STK3: variants seen among roughly 807,000 people sequenced by gnomAD.
STK3 encodes serine/threonine-protein kinase 3.
STK3 carries 41 observed loss-of-function variants against 58.0 expected under a neutral mutation model. The ratio of observed to expected loss-of-function variants is 0.71; its 90% CI spans 0.55 to 0.92. The LOEUF (loss-of-function observed/expected upper bound fraction) is 0.92, where lower values mean the gene tolerates loss of function less well. Among genes scored for constraint, STK3 ranks in the 40% least tolerant of loss-of-function variants. The probability of loss-of-function intolerance (pLI) is 0.00; values close to 1 mark genes in which losing one functional copy is unlikely to be tolerated. For synonymous variants in STK3, 170 were observed against 191.0 expected (o/e 0.89, Z 0.91); for missense variants, 479 against 602.7 (o/e 0.79, Z 2.15).
At chr8:98,661,211 C>T (rs1229895202) in intron 6 of STK3, among the ~76,000 whole-genome samples, 6 of 152,176 alleles carry the variant, frequency 3.9e-5, no homozygotes, top group African/African-American at 1.4e-4. Context: ...TTATATTTCA[C>T]TTCTAGAATA....
At chr8:98,555,871 G>A (rs1005896865) in intron 8 of STK3, among the ~76,000 whole-genome samples, 1 of 152,038 alleles carries the variant, frequency 6.6e-6, no homozygotes, top group Non-Finnish European at 1.5e-5. Context: ...GGCTTCTTTA[G>A]AGGCATGTGA....
At chr8:98,895,325 CCA>C (rs982275497) in intron 1 of STK3, among the ~76,000 whole-genome samples, 44 of 152,282 alleles carry the variant, frequency 2.9e-4, no homozygotes, top group African/African-American at 1.0e-3. Context: ...GGTCCTCAAA[CCA>C]CACACTGACT....
At chr8:98,384,201 C>T (rs1817767603) in intron 1 of STK3, among the ~76,000 whole-genome samples, 1 of 152,206 alleles carries the variant, frequency 6.6e-6, no homozygotes, top group Non-Finnish European at 1.5e-5. Flanking sequence ...GTCTCCACTA[C>T]CTCTGGTCAC....
intron 3 of STK3, among the ~76,000 whole-genome samples, chr8:98,404,436 T>G (rs573989357): frequency 6.6e-6 from 1 of 152,160 alleles, no homozygotes; most frequent in Admixed American, 6.5e-5. Context: ...ACCCCAGCAC[T>G]TTGGGAGGCC....
At chr8:98,358,657 C>T in the STK3 span, among the ~76,000 whole-genome samples, 34 of 152,162 alleles carry the variant, frequency 2.2e-4, no homozygotes, top group African/African-American at 7.7e-4. Context: ...TCAAGAAGTG[C>T]ATAGCTTCGT....
intron 6 of STK3, among the ~76,000 whole-genome samples, chr8:98,635,778 A>G (rs1819572406): frequency 1.3e-5 from 2 of 152,186 alleles, no homozygotes; most frequent in Non-Finnish European, 2.9e-5. Flanking sequence ...TCTCATCTAT[A>G]TAAATATGTA....
chr8:98,407,757 T>TGTGTGTGTGC (rs869119517), intron 3 of STK3, among the ~76,000 whole-genome samples: 11 of 131,434 alleles, frequency 8.4e-5, no homozygotes, highest in African/African-American at 3.0e-4. Context: ...TGTGTGTGTG[T>TGTGTGTGTGC]GCGCGCGCGC....
At chr8:98,350,301 T>A in the STK3 span, among the ~76,000 whole-genome samples, 83 of 152,320 alleles carry the variant, frequency 5.4e-4, no homozygotes, top group African/African-American at 1.9e-3. Context: ...AAGTTCCTTA[T>A]CTCCATCTGA....
In STK3 at chr8:98,473,487, T is replaced by C. The variant is rs879850641; in HGVS notation, c.1318-17487A>G. Reference sequence around the variant, plus strand: ...CATTCCTCCAGTTGTCACAATTCCATCCCTCTTCTCCTTTAGAAAGTCAAA... The same window carrying C: ...CATTCCTCCAGTTGTCACAATTCCACCCCTCTTCTCCTTTAGAAAGTCAAA... On this transcript the variant is annotated intron_variant, in intron 10 of 10. Transcript: ENST00000419617. 5.9e-5 allele frequency among the ~76,000 whole-genome samples: 9 copies of C among 152,228 alleles called. No individual in the cohort carries two copies. The East Asian group carries it at 1.5e-3, about 26-fold the overall frequency.
rs534567385 is a variant in STK3, at chr8:98,730,976, C to T, written c.351+18300G>A. On this transcript the variant is annotated intron_variant, in intron 4 of 10. Transcript: ENST00000419617. ...CACAGGCCCCACTATACAATTGTGC[C>T]AAGATTTCTCAAAAGTACAGAAGGA... 2.6e-5 allele frequency among the ~76,000 whole-genome samples: 4 copies of T among 152,150 alleles called. No individual in the cohort carries two copies. The South Asian group carries it at 8.3e-4, about 32-fold the overall frequency.
In STK3 at chr8:98,800,169, T is replaced by G. The variant is rs1233370273; in HGVS notation, c.26+25346A>C. ...TTTTTAACCTCCTTGTTTTGTTTCC[T>G]CTAGAATTGAGGCCACCAAGCTACA... On this transcript the variant is annotated intron_variant, in intron 1 of 10. Coordinates refer to ENST00000419617, the MANE Select transcript of STK3 (RefSeq NM_006281.4). This position sits in a 1 kb window ranked among gnomAD's most constrained non-coding sequence, Gnocchi z 4.8. 6.6e-6 allele frequency among the ~76,000 whole-genome samples: 1 copy of G among 152,190 alleles called. No individual in the cohort carries two copies. Among genetic ancestry groups the G allele is most frequent in the Admixed American group, 6.5e-5 (1 of 15,284 alleles).
chr8:98,634,547 C>G (rs1445808140), intron 6 of STK3, among the ~76,000 whole-genome samples: 1 of 151,958 alleles, frequency 6.6e-6, no homozygotes, highest in Non-Finnish European at 1.5e-5. Flanking sequence ...AGGGAGGATA[C>G]TCTTGGTTAA....
At chr8:98,630,916 TTC>T (rs1247339287) in intron 6 of STK3, among the ~76,000 whole-genome samples, 2 of 139,774 alleles carry the variant, frequency 1.4e-5, no homozygotes, top group Non-Finnish European at 3.2e-5. Flanking sequence ...TAGTAAACAT[TTC>T]TTTTTTTTTA....
At chr8:98,816,064 G>A (rs916816854) in intron 1 of STK3, among the ~76,000 whole-genome samples, 1 of 152,142 alleles carries the variant, frequency 6.6e-6, no homozygotes, top group Non-Finnish European at 1.5e-5. Flanking sequence ...CACGTTTGCA[G>A]AAAATACAGA....
At chr8:98,782,446 G>T in intron 1 of STK3, 1 of 253,340 alleles carries the variant, frequency 3.9e-6, no homozygotes, top group South Asian at 5.8e-5. Flanking sequence ...AAAAACAGGT[G>T]GATTCTCATG....
At chr8:98,843,643 G>C (rs935283238) in intron 3 of STK3, among the ~76,000 whole-genome samples, 4 of 152,102 alleles carry the variant, frequency 2.6e-5, no homozygotes, top group Admixed American at 6.6e-5. Context: ...TCAAACTGTC[G>C]GCTTGACCAT....
rs12675883 is a variant in STK3 at position 98,763,851 on chromosome 8, A to G, written c.236+3392T>C. On this transcript the variant is annotated intron_variant, in intron 3 of 10. Transcript: ENST00000419617. Reference sequence around the variant, plus strand: ...CCACGTCCAGCTAATTTTTATATCTATTTAGTAGAAATGGAGTTTTGCCAT... The same window carrying G: ...CCACGTCCAGCTAATTTTTATATCTGTTTAGTAGAAATGGAGTTTTGCCAT... Among the ~76,000 whole-genome samples, 199 of 152,030 alleles carry G rather than the reference A, an allele frequency of 1.3e-3. 3 individuals are homozygous for G. In the East Asian group the frequency reaches 0.03, roughly 23 times the overall value.
At chr8:98,940,405 G>T (rs1338178471) in intron 1 of STK3, among the ~76,000 whole-genome samples, 1 of 152,154 alleles carries the variant, frequency 6.6e-6, no homozygotes, top group Admixed American at 6.5e-5. Context: ...CCCCAGGCTA[G>T]ACCACCACGG....
At chr8:98,897,263 G>C (rs1838487149) in intron 1 of STK3, among the ~76,000 whole-genome samples, 1 of 152,010 alleles carries the variant, frequency 6.6e-6, no homozygotes, top group Admixed American at 6.6e-5. Flanking sequence ...ACACGCAAAA[G>C]AAATGTCTTT....
Sources: gnomAD v4.1 joint callset for allele counts (sites outside exome capture counted in the v4.1 genomes callset) on GRCh38, gnomAD v4.1.1 for gene constraint, Gnocchi (gnomAD v3.1) non-coding constraint, MANE v1.5 for transcripts, NCBI Gene and HGNC (gene_info 2026-07-23, HGNC 2026-07-21) for gene names.